Variants in ITGBL1 observed in about 807,000 individuals in gnomAD.
ITGBL1 encodes integrin beta-like protein 1.
A neutral mutation model predicts 68.5 loss-of-function variants in ITGBL1; 51 were observed. That is an observed-to-expected ratio of 0.74 (90% CI 0.59 to 0.94). ITGBL1 has a LOEUF of 0.94. Among genes scored for constraint, ITGBL1 ranks in the 40% least tolerant of loss-of-function variants. ITGBL1 has a pLI of 0.00. For missense variants in ITGBL1, 649 were observed against 647.4 expected, an observed-to-expected ratio of 1.00 and a Z score of -0.03; for synonymous variants, 209 against 227.3, an observed-to-expected ratio of 0.92 and a Z score of 0.72.
At chr13:101,628,739 CCT>C (rs1346180419) in intron 7 of ITGBL1, among the ~76,000 whole-genome samples, 3 of 151,186 alleles carry the variant, frequency 2.0e-5, no homozygotes, top group African/African-American at 7.3e-5. Flanking sequence ...CACACCCAGC[CCT>C]CTCTTGATAT....
At chr13:101,639,785 A>C (rs149501961) in intron 7 of ITGBL1, among the ~76,000 whole-genome samples, 99 of 152,282 alleles carry the variant, frequency 6.5e-4, no homozygotes, top group Admixed American at 9.8e-4. Context: ...AAAATGCTTT[A>C]ATGCAATTTC....
At chr13:101,542,905 G>A in intron 2 of ITGBL1, among the ~76,000 whole-genome samples, 1 of 150,198 alleles carries the variant, frequency 6.7e-6, no homozygotes, top group Non-Finnish European at 1.5e-5. Context: ...TTTTCCGTTT[G>A]CTTGGTAGAT....
intron 2 of ITGBL1, among the ~76,000 whole-genome samples, chr13:101,482,082 A>T (rs2048633345): frequency 6.6e-6 from 1 of 152,184 alleles, no homozygotes; most frequent in South Asian, 2.1e-4. Context: ...TTACCAGTTT[A>T]TTACGTAATG....
Position 101,526,155 on chromosome 13 carries a change from C to CCTTT in ITGBL1, c.317-41544_317-41543insCTTT, listed in dbSNP as rs1555356286. On this transcript the variant is annotated intron_variant, in intron 2 of 10. Coordinates refer to ENST00000376180, the MANE Select transcript of ITGBL1 (RefSeq NM_004791.3). Reference sequence around the variant, plus strand: ...CTAGTTTCTTCTTCTTCTTCTTCTTCTTTTTTTTTTTTTTAAATACTTTAA... The same window carrying CCTTT: ...CTAGTTTCTTCTTCTTCTTCTTCTTCCTTTTTTTTTTTTTTTTTAAATACTTTAA... 4.6e-4 allele frequency among the ~76,000 whole-genome samples: 63 copies of CCTTT among 136,562 alleles called. 1 individual carries two copies. The highest frequency in any genetic ancestry group is 1.7e-3 in the African/African-American group (62 of 37,154). The allele number at this position is 136,562 out of a possible 152,430, so 89.6% of individuals were successfully genotyped here.
chr13:101,504,830 T>C (rs555209979), intron 2 of ITGBL1, among the ~76,000 whole-genome samples: 3 of 152,332 alleles, frequency 2.0e-5, no homozygotes, highest in Non-Finnish European at 2.9e-5. Flanking sequence ...GGGGAAAATA[T>C]ACCTGGCAAA....
intron 7 of ITGBL1, among the ~76,000 whole-genome samples, chr13:101,649,013 A>G (rs1381675022): frequency 3.3e-5 from 5 of 152,182 alleles, no homozygotes; most frequent in African/African-American, 1.2e-4. Flanking sequence ...CATCTACATA[A>G]GATTTTAAAG....
At chr13:101,500,670 T>C (rs1314524065) in intron 2 of ITGBL1, among the ~76,000 whole-genome samples, 1 of 152,232 alleles carries the variant, frequency 6.6e-6, no homozygotes, top group Non-Finnish European at 1.5e-5. Context: ...AGTTGCATTT[T>C]TCCTGCACTT....
At chr13:101,714,333 T>A in intron 9 of ITGBL1, 105 bp from the exon 10 acceptor site, 1 of 743,690 alleles carries the variant, frequency 1.3e-6, no homozygotes, top group South Asian at 1.6e-5. Context: ...TACCTTTGGA[T>A]GATGGGTTAT....
chr13:101,576,363 G>A (rs1394798085), intron 4 of ITGBL1, among the ~76,000 whole-genome samples: 1 of 152,164 alleles, frequency 6.6e-6, no homozygotes, highest in African/African-American at 2.4e-5. Flanking sequence ...ACCACTTGCA[G>A]TTTTCATCTC....
At chr13:101,555,125 A>T (rs2049983849) in intron 2 of ITGBL1, among the ~76,000 whole-genome samples, 1 of 152,206 alleles carries the variant, frequency 6.6e-6, no homozygotes, top group East Asian at 1.9e-4. Context: ...AAAAAGTGAC[A>T]ATATTAATAT....
chr13:101,684,787 G>A (rs1475922228), intron 7 of ITGBL1, among the ~76,000 whole-genome samples: 1 of 151,692 alleles, frequency 6.6e-6, no homozygotes, highest in East Asian at 1.9e-4. Flanking sequence ...CCAAATAGAA[G>A]GTTTTAAAAT....
chr13:101,546,851 C>T (rs2049834001), intron 2 of ITGBL1, among the ~76,000 whole-genome samples: 1 of 151,904 alleles, frequency 6.6e-6, no homozygotes, highest in African/African-American at 2.4e-5. Flanking sequence ...GGCTAATAAT[C>T]ACAACTGTTT....
chr13:101,459,939 TG>T (rs1409431761), intron 2 of ITGBL1, among the ~76,000 whole-genome samples: 1 of 152,134 alleles, frequency 6.6e-6, no homozygotes, highest in African/African-American at 2.4e-5. Context: ...GAATTATATG[TG>T]GTTATTCATG....
At chr13:101,691,583 G>A (rs187050026) in intron 7 of ITGBL1, among the ~76,000 whole-genome samples, 2 of 152,152 alleles carry the variant, frequency 1.3e-5, no homozygotes, top group East Asian at 1.9e-4. Flanking sequence ...CAGATGTCTC[G>A]GAGCACTGTC....
chr13:101,517,226 G>A (rs1195545193), intron 2 of ITGBL1, among the ~76,000 whole-genome samples: 4 of 152,084 alleles, frequency 2.6e-5, no homozygotes, highest in African/African-American at 9.7e-5. Flanking sequence ...AGTGGCGAGC[G>A]AGAGGACCTG....
intron 2 of ITGBL1, among the ~76,000 whole-genome samples, chr13:101,560,171 A>G (rs2050076103): frequency 6.6e-6 from 1 of 152,168 alleles, no homozygotes; most frequent in Non-Finnish European, 1.5e-5. Flanking sequence ...TAGATGTTAC[A>G]TTGTTTTTTT....
At chr13:101,674,193 C>A (rs368002850) in intron 7 of ITGBL1, among the ~76,000 whole-genome samples, 29 of 152,236 alleles carry the variant, frequency 1.9e-4, no homozygotes, top group African/African-American at 6.8e-4. Flanking sequence ...TACACACACT[C>A]GCGTGCATGC....
chr13:101,605,980 GTGTATA>G, intron 7 of ITGBL1, among the ~76,000 whole-genome samples: 1 of 144,904 alleles, frequency 6.9e-6, no homozygotes, highest in East Asian at 2.0e-4. Flanking sequence ...ATGCATATAT[GTGTATA>G]TATATGTGTA....
chr13:101,595,795 T>G lies in ITGBL1; in HGVS notation c.869-2358T>G, dbSNP rs1566747704. Reference sequence around the variant, plus strand: ...TATGGACGATACTATGGAGTTTCCTTAAAAAATCAAAAAGAGAATTATATG... The same window carrying G: ...TATGGACGATACTATGGAGTTTCCTGAAAAAATCAAAAAGAGAATTATATG... On this transcript the variant is annotated intron_variant, in intron 6 of 10. Transcript: ENST00000376180. Among the ~76,000 whole-genome samples, 2 of 152,150 alleles carry G rather than the reference T, an allele frequency of 1.3e-5. 1 individual carries two copies. The highest frequency in any genetic ancestry group is 6.8e-3 in the Middle Eastern group (2 of 294).
Sources: gnomAD v4.1 joint callset for allele counts (sites outside exome capture counted in the v4.1 genomes callset) on GRCh38, gnomAD v4.1.1 for gene constraint, MANE v1.5 for transcripts, NCBI Gene and HGNC (gene_info 2026-07-23, HGNC 2026-07-21) for gene names.